The following VSIG1 variants were observed in gnomAD, a reference collection of about 807,000 sequenced individuals.
VSIG1 encodes V-set and immunoglobulin domain containing 1.
A neutral mutation model predicts 20.1 loss-of-function variants in VSIG1; 11 were observed. The observed-to-expected ratio is 0.55, with a 90% CI of 0.34 to 0.91. The LOEUF (loss-of-function observed/expected upper bound fraction) is 0.91. Ranked by LOEUF, VSIG1 falls within the 40% of genes least tolerant of loss-of-function variation. The probability of loss-of-function intolerance (pLI) is 0.02; values close to 1 mark genes in which losing one functional copy is unlikely to be tolerated. For synonymous variants in VSIG1, 126 were observed against 116.7 expected (o/e 1.08, Z -0.52); for missense variants, 283 against 298.8 (o/e 0.95, Z 0.39).
At position 108,077,522 on chromosome X, in the gene VSIG1, C is replaced by T; in HGVS notation, c.*141C>T. On this transcript the variant is annotated 3_prime_UTR_variant, in exon 7 of 7. Transcript: ENST00000217957. ...AAGGTGCTCATTCCTACTATGAATCCAGAATAAACACGCCAAGATAACAGC... is the reference window on the plus strand; with the variant it reads ...AAGGTGCTCATTCCTACTATGAATCTAGAATAAACACGCCAAGATAACAGC... 1.5e-6 allele frequency: 1 copy of T among 683,882 alleles called. No homozygotes were observed. The highest frequency in any genetic ancestry group is 3.1e-5 in the South Asian group (1 of 32,346). 56.4% of individuals were successfully genotyped at this position (683,882 alleles called of 1,213,427 possible). A position where few individuals can be genotyped will look rare whatever the true frequency, so the allele number is the denominator to read the frequency against.
chrX:108,074,048 T>C (rs2031304742), intron 5 of VSIG1, among the ~76,000 whole-genome samples: 2 of 111,993 alleles, frequency 1.8e-5, no homozygotes, highest in Non-Finnish European at 3.8e-5. Flanking sequence ...ACTCCTGGAA[T>C]TGTCCAATTG....
chrX:108,062,511 G>T (rs1242653044), intron 2 of VSIG1, among the ~76,000 whole-genome samples: 3 of 111,941 alleles, frequency 2.7e-5, no homozygotes, highest in Non-Finnish European at 3.8e-5. Context: ...TCATGGTAAG[G>T]TGTTAGGGAC....
intron 1 of VSIG1, among the ~76,000 whole-genome samples, chrX:108,047,935 CACAT>C (rs2030663504): frequency 7.8e-5 from 3 of 38,617 alleles, no homozygotes; most frequent in African/African-American, 4.9e-4. Context: ...TATATATATA[CACAT>C]ATATATATAT....
upstream of VSIG1, among the ~76,000 whole-genome samples, chrX:108,043,323 G>C (rs1399658636): frequency 1.8e-5 from 2 of 111,926 alleles, no homozygotes; most frequent in African/African-American, 6.5e-5. Context: ...TTCTGCAGGA[G>C]TTCTTGCGTG....
intron 1 of VSIG1, among the ~76,000 whole-genome samples, chrX:108,057,142 A>G (rs1466460050): frequency 8.9e-6 from 1 of 112,580 alleles, no homozygotes. Context: ...CATCAATTCC[A>G]AAAGGTTACC....
intron 3 of VSIG1, among the ~76,000 whole-genome samples, chrX:108,070,162 A>C (rs193216635): frequency 3.1e-4 from 35 of 112,842 alleles, no homozygotes; most frequent in African/African-American, 1.1e-3. Flanking sequence ...TTGGCACATA[A>C]AAAGAAAATG....
At chrX:108,034,562 C>A in the VSIG1 span, among the ~76,000 whole-genome samples, 13 of 111,798 alleles carry the variant, frequency 1.2e-4, no homozygotes, top group Non-Finnish European at 1.5e-4. Context: ...GATCTTTACA[C>A]AATGATTTTA....
At position 108,076,130 on chromosome X, in the gene VSIG1, G is replaced by A. The variant is rs371577611; in HGVS notation, c.742G>A (p.Ala248Thr). ...CTTGATTGGTAGCCTGGTAGGTGCC[G>A]CCATCATCATCTCTGTTGTGTGCTT... ...GALIGSLVGA[A>T]IIISVVCFAR... The change falls in exon 6 of 7, where the codon GCC (alanine) becomes ACC (threonine). Residue 248 changes from alanine to threonine, a missense_variant. Transcript: ENST00000217957. 4.1e-6 allele frequency: 5 copies of A among 1,211,023 alleles called. No homozygotes were observed. The highest frequency in any genetic ancestry group is 1.8e-5 in the South Asian group (1 of 56,801).
rs2031396939 is a variant in VSIG1, at chrX:108,078,635, A to G, written c.*1254A>G. On this transcript the variant is annotated 3_prime_UTR_variant, in exon 7 of 7. Coordinates refer to ENST00000217957, the MANE Select transcript of VSIG1 (RefSeq NM_182607.5). The stretch of plus-strand genomic sequence containing the variant: ...AAAACAAACAAACAAAAAACAAAAA[A>G]TCCCCACAACTTTGTCAAATAATGT... 1 of 111,946 alleles carries G rather than the reference A, an allele frequency of 8.9e-6. No homozygotes were observed. The highest frequency in any genetic ancestry group is 9.5e-5 in the Admixed American group (1 of 10,559). The allele number at this position is 111,946 out of a possible 1,213,427, so 9.2% of individuals were successfully genotyped here.
chrX:108,062,282 C>T (rs1337828715), intron 2 of VSIG1, among the ~76,000 whole-genome samples: 1 of 111,540 alleles, frequency 9.0e-6, no homozygotes, highest in Non-Finnish European at 1.9e-5. Context: ...TCATAAACAA[C>T]TTAGACAACT....
At chrX:108,060,619 C>T (rs1156893991) in intron 2 of VSIG1, among the ~76,000 whole-genome samples, 3 of 111,760 alleles carry the variant, frequency 2.7e-5, no homozygotes, top group Non-Finnish European at 5.7e-5. Flanking sequence ...GTTTTGAAGT[C>T]CTAGTGGAAA....
Position 108,073,234 on chromosome X carries a change from T to C in VSIG1, c.569-16T>C, listed in dbSNP as rs761914885. On this transcript the variant is annotated splice_polypyrimidine_tract_variant and intron_variant, in intron 4 of 6. Coordinates refer to ENST00000217957, the MANE Select transcript of VSIG1 (RefSeq NM_182607.5). ...CACAGAAGAGATCTCAAAAGTCTAT[T>C]CCCTGGTTTCAACAGACCCAACCAC... 4 of 1,210,226 alleles carry C rather than the reference T, an allele frequency of 3.3e-6. No homozygotes were observed. The Admixed American group carries it at 8.7e-5, about 26-fold the overall frequency.
At chrX:108,036,255 TATAGAA>T in the VSIG1 span, among the ~76,000 whole-genome samples, 1 of 107,905 alleles carries the variant, frequency 9.3e-6, no homozygotes, top group Non-Finnish European at 1.9e-5. Flanking sequence ...GCACTGCAGT[TATAGAA>T]ATAGAATGTG....
At chrX:108,023,370 G>A in the VSIG1 span, among the ~76,000 whole-genome samples, 1 of 111,745 alleles carries the variant, frequency 8.9e-6, no homozygotes, top group African/African-American at 3.3e-5. Flanking sequence ...GTTTTGTTGA[G>A]GATTTTGTGT....
At chrX:108,036,532 C>T in the VSIG1 span, among the ~76,000 whole-genome samples, 1 of 112,023 alleles carries the variant, frequency 8.9e-6, no homozygotes, top group Non-Finnish European at 1.9e-5. Context: ...TAACCCACTC[C>T]AGCCTCCCTA....
rs2030681207 is a variant in VSIG1, at chrX:108,047,961, C to CACAT, written c.49+2783_49+2784insCATA. 4.5e-4 allele frequency among the ~76,000 whole-genome samples: 9 copies of CACAT among 19,938 alleles called. 1 individual carries two copies. Among genetic ancestry groups the CACAT allele is most frequent in the Admixed American group, 2.1e-3 (3 of 1,424 alleles). The allele number at this position is 19,938 out of a possible 115,157, so 17.3% of individuals were successfully genotyped here. A position where few individuals can be genotyped will look rare whatever the true frequency, so the allele number is the denominator to read the frequency against. Reference sequence around the variant, plus strand: ...ACATATATATATATATATACACACACATATATATATATATATATATATATA... The same window carrying CACAT: ...ACATATATATATATATATACACACACACATATATATATATATATATATATATATA... On this transcript the variant is annotated intron_variant, in intron 1 of 6. Transcript: ENST00000217957.
At chrX:108,071,294 T>G (rs1473634142) in intron 3 of VSIG1, among the ~76,000 whole-genome samples, 1 of 111,323 alleles carries the variant, frequency 9.0e-6, no homozygotes. Flanking sequence ...CAAGGTGAGT[T>G]GGAAAGTATA....
chrX:108,076,848 C>T (rs1163187831), intron 6 of VSIG1, among the ~76,000 whole-genome samples, 200 bp from the exon 7 acceptor site: 1 of 112,251 alleles, frequency 8.9e-6, no homozygotes, highest in Non-Finnish European at 1.9e-5. Context: ...CTTTCTTAAA[C>T]TTTCATGATA....
At chrX:108,061,433 C>G in intron 2 of VSIG1, 1 of 1,165,510 alleles carries the variant, frequency 8.6e-7, no homozygotes, top group Non-Finnish European at 1.1e-6. Context: ...CACAGCACAG[C>G]TCGTGCCTCA....
Sources: allele counts gnomAD v4.1 joint callset (sites outside exome capture counted in the v4.1 genomes callset), GRCh38; gene constraint gnomAD v4.1.1; transcripts MANE v1.5; gene names NCBI Gene and HGNC (gene_info 2026-07-23, HGNC 2026-07-21).